The following ALDH5A1 variants were observed in gnomAD, a reference collection of about 807,000 sequenced individuals.
ALDH5A1 encodes the protein aldehyde dehydrogenase 5 family member A1.
A neutral mutation model predicts 54.7 loss-of-function variants in ALDH5A1; 33 were observed. That is an observed-to-expected ratio of 0.60 (90% confidence interval 0.46 to 0.81). The LOEUF is 0.81. Among genes scored for constraint, ALDH5A1 ranks in the 30% least tolerant of loss-of-function variants. The pLI is 0.00. For synonymous variants in ALDH5A1, 294 were observed against 292.7 expected (o/e 1.00, Z -0.05); for missense variants, 657 against 711.0 (o/e 0.92, Z 0.86).
At chr6:24,497,620 C>T (rs1764740238) in intron 1 of ALDH5A1, among the ~76,000 whole-genome samples, 2 of 150,152 alleles carry the variant, frequency 1.3e-5, no homozygotes, top group Non-Finnish European at 3.0e-5. Context: ...GCTGGCTTCA[C>T]CTCTCATAAG....
chr6:24,519,749 C>T (rs183581523), intron 5 of ALDH5A1, among the ~76,000 whole-genome samples: 42 of 141,562 alleles, frequency 3.0e-4, no homozygotes, highest in African/African-American at 1.1e-3. Context: ...ATAATTATAC[C>T]ATCCTGTTTT....
At chr6:24,502,495 C>A in intron 1 of ALDH5A1, 28 bp from the exon 2 acceptor site, 1 of 1,536,232 alleles carries the variant, frequency 6.5e-7, no homozygotes, top group Non-Finnish European at 9.0e-7. Flanking sequence ...CATTTTATTA[C>A]TTTTCTGCCT....
chr6:24,495,665 G>T (rs1178643102), intron 1 of ALDH5A1, among the ~76,000 whole-genome samples: 1 of 152,192 alleles, frequency 6.6e-6, no homozygotes, highest in Non-Finnish European at 1.5e-5. Flanking sequence ...GCCTAACCGT[G>T]GAGGGGCGGG....
At chr6:24,508,351 A>C (rs1759396085) in intron 4 of ALDH5A1, among the ~76,000 whole-genome samples, 1 of 132,178 alleles carries the variant, frequency 7.6e-6, no homozygotes, top group Non-Finnish European at 1.6e-5. Context: ...ACAGAGCAAG[A>C]CTCCATCTCC....
chr6:24,523,407 G>A (rs1256679274), intron 7 of ALDH5A1, among the ~76,000 whole-genome samples: 1 of 151,762 alleles, frequency 6.6e-6, no homozygotes, highest in Admixed American at 6.6e-5. Context: ...TGCCCAGCAA[G>A]CCTATTTTGT....
intron 7 of ALDH5A1, among the ~76,000 whole-genome samples, chr6:24,526,961 TATATGTGTG>T (rs1230139722): frequency 5.4e-3 from 52 of 9,612 alleles, no homozygotes; most frequent in African/African-American, 0.012. Context: ...CTAATATATA[TATATGTGTG>T]TGTGTATATA....
At chr6:24,527,554 AGAGC>A (rs1759841728) in intron 7 of ALDH5A1, among the ~76,000 whole-genome samples, 1 of 152,012 alleles carries the variant, frequency 6.6e-6, no homozygotes, top group South Asian at 2.1e-4. Flanking sequence ...CCTGGGTGAC[AGAGC>A]GAGATTCCAT....
chr6:24,530,884 G>A (rs927121274), intron 8 of ALDH5A1, among the ~76,000 whole-genome samples: 11 of 152,254 alleles, frequency 7.2e-5, no homozygotes, highest in African/African-American at 2.4e-4. Flanking sequence ...ACTCACAGGC[G>A]TGGTAGGAGA....
Position 24,537,005 on chromosome 6 carries a change from T to C in ALDH5A1, c.*3293T>C, listed in dbSNP as rs1329947186. 6.5e-6 allele frequency: 1 copy of C among 152,678 alleles called. No individual in the cohort carries two copies. Among genetic ancestry groups the C allele is most frequent in the African/African-American group, 2.4e-5 (1 of 41,458 alleles). 9.5% of individuals were successfully genotyped at this position (152,678 alleles called of 1,614,324 possible). A position where few individuals can be genotyped will look rare whatever the true frequency, so the allele number is the denominator to read the frequency against. Reference sequence around the variant, plus strand: ...TTTAAATAGCATTTTACTTGAATAATATGTATGTTGTCATTGTTTCATGCT... The same window carrying C: ...TTTAAATAGCATTTTACTTGAATAACATGTATGTTGTCATTGTTTCATGCT... On this transcript the variant is annotated 3_prime_UTR_variant, in exon 10 of 10. Transcript: ENST00000357578.
In ALDH5A1 at chr6:24,517,807, T is replaced by G. The variant is rs1408946768; in HGVS notation, c.870+2497T>G. ...CTCTGCTGAGCTGGTCTTCAGAGAT[T>G]AGGGGCTGAGCTTCTGGTCCTGGGG... On this transcript the variant is annotated intron_variant, in intron 5 of 9. Coordinates refer to ENST00000357578, the MANE Select transcript of ALDH5A1 (RefSeq NM_001080.3). 2.0e-5 allele frequency among the ~76,000 whole-genome samples: 3 copies of G among 152,332 alleles called. 1 individual carries two copies. Among genetic ancestry groups the G allele is most frequent in the East Asian group, 3.9e-4 (2 of 5,182 alleles).
intron 8 of ALDH5A1, among the ~76,000 whole-genome samples, chr6:24,531,422 T>C (rs940978735): frequency 1.4e-4 from 22 of 152,194 alleles, no homozygotes; most frequent in African/African-American, 4.1e-4. Flanking sequence ...CTTGGACAAA[T>C]TGACTTTTCG....
chr6:24,499,254 T>A (rs1042077024), intron 1 of ALDH5A1, among the ~76,000 whole-genome samples: 1 of 152,118 alleles, frequency 6.6e-6, no homozygotes, highest in Non-Finnish European at 1.5e-5. Context: ...ATGGCGCCAC[T>A]GTACTCCAGC....
chr6:24,507,983 T>C (rs910246924), intron 4 of ALDH5A1, among the ~76,000 whole-genome samples: 50 of 152,280 alleles, frequency 3.3e-4, no homozygotes, highest in African/African-American at 1.1e-3. Flanking sequence ...GTCATTCTTA[T>C]GCCTTTGCTT....
intron 9 of ALDH5A1, 33 bp downstream of exon 9, chr6:24,532,210 A>G: frequency 6.2e-7 from 1 of 1,608,272 alleles, no homozygotes; most frequent in Non-Finnish European, 8.5e-7. Context: ...TACCAGTCAT[A>G]ATCATTTTTC....
intron 7 of ALDH5A1, among the ~76,000 whole-genome samples, chr6:24,527,691 A>G (rs2127389431): frequency 6.6e-6 from 1 of 152,340 alleles, no homozygotes; most frequent in South Asian, 2.1e-4. Context: ...GCAGAATGCA[A>G]TGAAAGCAAA....
intron 7 of ALDH5A1, among the ~76,000 whole-genome samples, chr6:24,526,058 C>T (rs1294739691): frequency 2.0e-5 from 3 of 152,162 alleles, no homozygotes; most frequent in African/African-American, 4.8e-5. Flanking sequence ...GGGAAGGGAG[C>T]TGCCCTTATG....
Position 24,515,243 on chromosome 6 carries a change from G to A in ALDH5A1, c.803G>A (p.Gly268Glu), listed in dbSNP as rs375628463. The change falls in exon 5 of 10, where the codon GGG becomes GAG. Residue 268 changes from glycine to glutamate, a missense_variant. Gly to Glu is a moderately conservative substitution (Grantham distance 98). Around this residue, in one of 2 missense-constraint regions of ALDH5A1, gnomAD observed 425 missense variants for 516.4 expected, o/e 0.82. Transcript: ENST00000357578. ...PCSRKNAKEVGEAICTDPLVS... is the reference protein window; with the variant it reads ...PCSRKNAKEVEEAICTDPLVS... The stretch of plus-strand genomic sequence containing the variant: ...TCTCGAAAGAATGCCAAGGAAGTAG[G>A]GGAGGCAATTTGTACTGATCCTCTG... 300 of 1,613,390 alleles carry A rather than the reference G, an allele frequency of 1.9e-4. No individual in the cohort carries two copies. Among genetic ancestry groups the A allele is most frequent in the Non-Finnish European group, 2.5e-4 (290 of 1,179,920 alleles).
intron 1 of ALDH5A1, among the ~76,000 whole-genome samples, chr6:24,498,958 G>A (rs1377130205): frequency 6.6e-6 from 1 of 151,988 alleles, no homozygotes; most frequent in African/African-American, 2.4e-5. Context: ...AAATCAGCTG[G>A]GCGTGGTGGT....
At chr6:24,530,290 G>C (rs1427790519) in intron 8 of ALDH5A1, among the ~76,000 whole-genome samples, 1 of 151,850 alleles carries the variant, frequency 6.6e-6, no homozygotes, top group Non-Finnish European at 1.5e-5. Context: ...TATCTCCAGT[G>C]GGTTCTTCCC....
Sources: allele counts gnomAD v4.1 joint callset (sites outside exome capture counted in the v4.1 genomes callset), GRCh38; gene constraint gnomAD v4.1.1; regional missense constraint gnomAD v4.1.1; transcripts MANE v1.5; gene names NCBI Gene and HGNC (gene_info 2026-07-23, HGNC 2026-07-21).